The following PDGFD variants were observed in gnomAD, a reference collection of about 807,000 sequenced individuals.
The protein encoded by PDGFD is platelet derived growth factor D.
A neutral mutation model predicts 44.7 loss-of-function variants in PDGFD; 30 were observed. The ratio of observed to expected loss-of-function variants is 0.67; its 90% CI spans 0.50 to 0.91. The LOEUF is 0.91. PDGFD is among the 40% of genes least tolerant of loss of function. The pLI, the probability that PDGFD is intolerant of heterozygous loss-of-function variation, is 0.00. For missense variants in PDGFD, 445 were observed against 457.8 expected (o/e 0.97, Z 0.25); for synonymous variants, 173 against 168.4 (o/e 1.03, Z -0.21).
At chr11:103,931,805 T>C (rs187637127) in intron 5 of PDGFD, among the ~76,000 whole-genome samples, 1 of 152,252 alleles carries the variant, frequency 6.6e-6, no homozygotes, top group East Asian at 1.9e-4. Context: ...CCAGTAATCA[T>C]TTTATTGTTG....
intron 1 of PDGFD, among the ~76,000 whole-genome samples, chr11:104,057,803 A>G (rs1860645431): frequency 6.6e-6 from 1 of 152,270 alleles, no homozygotes; most frequent in African/African-American, 2.4e-5. Context: ...AGATAATTTG[A>G]TATTATCATA....
chr11:103,941,346 G>A (rs1047983408), intron 5 of PDGFD, among the ~76,000 whole-genome samples: 1 of 152,012 alleles, frequency 6.6e-6, no homozygotes, highest in African/African-American at 2.4e-5. Context: ...GCAGCAGTAG[G>A]ACATACAAAA....
At chr11:104,061,635 A>T (rs554584265) in intron 1 of PDGFD, among the ~76,000 whole-genome samples, 2 of 152,166 alleles carry the variant, frequency 1.3e-5, no homozygotes, top group African/African-American at 4.8e-5. Context: ...TCTTTGAGAC[A>T]GTCTCTCTCT....
In PDGFD at chr11:103,926,984, A is replaced by G. The variant is rs777568940; in HGVS notation, c.915T>C (p.Asn305=). 1 of 1,614,188 alleles carries G rather than the reference A, an allele frequency of 6.2e-7. No homozygotes were observed. Among genetic ancestry groups the G allele is most frequent in the Admixed American group, 1.7e-5 (1 of 60,022 alleles). The change falls in exon 6 of 7, where the codon AAT becomes AAC. Residue 305 remains asparagine (N), a synonymous_variant. Coordinates refer to ENST00000393158, the MANE Select transcript of PDGFD (RefSeq NM_025208.5). The stretch of plus-strand genomic sequence containing the variant: ...TCCAGTTGACAGTTCCACAGCCACA[A>G]TTTCCTCCACAGCGCTGCACGAGGA... ...RCLLVQRCGG[N]CGCGTVNWRS...
intron 1 of PDGFD, among the ~76,000 whole-genome samples, chr11:104,103,462 G>GTATATA (rs58684985): frequency 2.6e-4 from 34 of 133,254 alleles, no homozygotes; most frequent in African/African-American, 6.1e-4. Flanking sequence ...GTGTGTGTGT[G>GTATATA]TATATATATA....
At chr11:104,151,321 C>T (rs963466150) in intron 1 of PDGFD, among the ~76,000 whole-genome samples, 4 of 152,064 alleles carry the variant, frequency 2.6e-5, no homozygotes, top group Admixed American at 6.6e-5. Flanking sequence ...ACTTTACACA[C>T]GCATGCAAGC....
chr11:103,940,850 G>A (rs1197619731), intron 5 of PDGFD, among the ~76,000 whole-genome samples: 3 of 152,074 alleles, frequency 2.0e-5, no homozygotes, highest in South Asian at 2.1e-4. Context: ...GGAGAGAGAC[G>A]ATGTTTACTT....
In PDGFD at chr11:103,984,956, A is replaced by G. The variant is rs9326338; in HGVS notation, c.510+11109T>C. ...TAATATATAACATATTAATTTATTT[A>G]ATATAGTTATATTTATTTAATATAT... is the stretch of plus-strand genomic sequence containing the variant. On this transcript the variant is annotated intron_variant, in intron 3 of 6. Transcript: ENST00000393158. Among the ~76,000 whole-genome samples the G allele has an allele frequency of 8.5e-3, 1,136 of 134,282 alleles. 65 individuals are homozygous for G. Among genetic ancestry groups the G allele is most frequent in the African/African-American group, 0.031 (1,087 of 35,398 alleles). 88.1% of individuals were successfully genotyped at this position (134,282 alleles called of 152,430 possible).
intron 3 of PDGFD, among the ~76,000 whole-genome samples, chr11:103,965,364 G>A (rs773568972): frequency 1.4e-4 from 21 of 152,122 alleles, no homozygotes; most frequent in East Asian, 1.9e-4. Flanking sequence ...AGGTCATCTC[G>A]TTAATAGTTG....
chr11:103,949,476 T>G (rs1202742221), intron 3 of PDGFD, among the ~76,000 whole-genome samples: 2 of 152,308 alleles, frequency 1.3e-5, no homozygotes, highest in African/African-American at 4.8e-5. Flanking sequence ...GGTGAGCACA[T>G]AAGACTAGGC....
intron 1 of PDGFD, among the ~76,000 whole-genome samples, chr11:104,111,724 C>T (rs1861561783): frequency 6.6e-6 from 1 of 152,078 alleles, no homozygotes; most frequent in African/African-American, 2.4e-5. Flanking sequence ...TTCTTCCATA[C>T]TTTAGATAAA....
chr11:103,912,467 G>C (rs997825493), intron 6 of PDGFD, among the ~76,000 whole-genome samples: 2 of 152,118 alleles, frequency 1.3e-5, no homozygotes, highest in Non-Finnish European at 2.9e-5. Context: ...CCTTACAAGA[G>C]CTCCTGAAGG....
intron 6 of PDGFD, among the ~76,000 whole-genome samples, chr11:103,912,540 G>C (rs1336452846): frequency 6.6e-6 from 1 of 152,174 alleles, no homozygotes; most frequent in Admixed American, 6.5e-5. Flanking sequence ...AAATTGTAAA[G>C]ACCATTGATG....
chr11:103,921,257 C>T (rs189344052), intron 6 of PDGFD, among the ~76,000 whole-genome samples: 1 of 152,274 alleles, frequency 6.6e-6, no homozygotes, highest in East Asian at 1.9e-4. Flanking sequence ...AAGAGATTTT[C>T]TTGACTTTTA....
Position 104,163,983 on chromosome 11 carries a change from C to A in PDGFD, c.-56G>T. 1.4e-6 allele frequency: 2 copies of A among 1,468,972 alleles called. No individual in the cohort carries two copies. Among genetic ancestry groups the A allele is most frequent in the South Asian group, 1.5e-5 (1 of 66,736 alleles). 91.0% of individuals were successfully genotyped at this position (1,468,972 alleles called of 1,614,324 possible). A position where few individuals can be genotyped will look rare whatever the true frequency, so the allele number is the denominator to read the frequency against. ...CCAAGAAAAAGCCGGGTTCTGCTCC[C>A]GGGACCGACGCCGCGCCGCCCTGCG... On this transcript the variant is annotated 5_prime_UTR_variant, in exon 1 of 7. Coordinates refer to ENST00000393158, the MANE Select transcript of PDGFD (RefSeq NM_025208.5).
intron 3 of PDGFD, among the ~76,000 whole-genome samples, chr11:103,990,288 C>G (rs1859430220): frequency 6.6e-6 from 1 of 152,128 alleles, no homozygotes. Flanking sequence ...AGCAATTGCT[C>G]TCCTTTTGCT....
chr11:104,072,342 T>C (rs1276945053), intron 1 of PDGFD, among the ~76,000 whole-genome samples: 2 of 151,882 alleles, frequency 1.3e-5, no homozygotes, highest in Non-Finnish European at 3.0e-5. Flanking sequence ...GTAGATTTTA[T>C]TTTTCTGCTA....
intron 1 of PDGFD, among the ~76,000 whole-genome samples, chr11:104,079,830 A>G (rs1861018568): frequency 6.6e-6 from 1 of 152,198 alleles, no homozygotes; most frequent in Non-Finnish European, 1.5e-5. Context: ...TGAATGAATT[A>G]TTAATGGTAA....
chr11:104,112,989 A>G (rs893561116), intron 1 of PDGFD, among the ~76,000 whole-genome samples: 3 of 152,114 alleles, frequency 2.0e-5, no homozygotes, highest in Admixed American at 6.6e-5. Context: ...ATACATGTTT[A>G]CCTATGTAAT....
Sources: allele counts gnomAD v4.1 joint callset (sites outside exome capture counted in the v4.1 genomes callset), GRCh38; gene constraint gnomAD v4.1.1; transcripts MANE v1.5; gene names NCBI Gene and HGNC (gene_info 2026-07-23, HGNC 2026-07-21).